Variants in PDE6A observed in about 807,000 individuals in gnomAD.
PDE6A encodes rod cGMP-specific 3',5'-cyclic phosphodiesterase subunit alpha.
PDE6A carries 84 observed loss-of-function variants against 106.3 expected under a neutral mutation model. The observed-to-expected ratio is 0.79, with a 90% CI of 0.66 to 0.95. The LOEUF is 0.95. Among genes scored for constraint, PDE6A ranks in the 40% least tolerant of loss-of-function variants. PDE6A has a pLI of 0.00. For missense variants in PDE6A, 1,052 were observed against 1,084.9 expected, an observed-to-expected ratio of 0.97 and a Z score of 0.43; for synonymous variants, 394 against 386.6, an observed-to-expected ratio of 1.02 and a Z score of -0.23.
In PDE6A at chr5:149,921,637, T is replaced by G. The variant is rs1201450790; in HGVS notation, c.931A>C (p.Arg311=). The G allele has an allele frequency of 6.2e-7, 1 of 1,612,026 alleles. No individual in the cohort carries two copies. The highest frequency in any genetic ancestry group is 1.7e-5 in the Admixed American group (1 of 60,018). ...TGAAAAGGTCAGAGAGAACGTACTC[T>G]TCCATCCGGAGTCCTGGGACCAGAG... ...PYSGPRTPDG[R]EINFYKVIDY... Residue 311 remains arginine (R), a splice_region_variant and synonymous_variant, in exon 5 of 22, where the codon AGA becomes CGA. Coordinates refer to ENST00000255266, the MANE Select transcript of PDE6A (RefSeq NM_000440.3).
At chr5:149,903,234 T>G (rs983590224) in intron 8 of PDE6A, among the ~76,000 whole-genome samples, 1 of 147,688 alleles carries the variant, frequency 6.8e-6, no homozygotes, top group African/African-American at 2.5e-5. Context: ...TTTATTGAAA[T>G]ACAACTTTAA....
At chr5:149,907,596 A>G (rs942393271) in intron 6 of PDE6A, among the ~76,000 whole-genome samples, 2 of 152,190 alleles carry the variant, frequency 1.3e-5, no homozygotes, top group African/African-American at 4.8e-5. Flanking sequence ...CTGTCTGCCC[A>G]CCAAGTTTCA....
intron 5 of PDE6A, among the ~76,000 whole-genome samples, chr5:149,916,750 A>G (rs1753567948): frequency 6.6e-6 from 1 of 152,176 alleles, no homozygotes; most frequent in Non-Finnish European, 1.5e-5. Flanking sequence ...AGACACAGAG[A>G]GAGGAAAGGA....
chr5:149,861,182 G>C (rs779001936), intron 21 of PDE6A, among the ~76,000 whole-genome samples: 2 of 152,236 alleles, frequency 1.3e-5, no homozygotes, highest in Non-Finnish European at 2.9e-5. Context: ...GATGATAAGT[G>C]AGAACCAGTA....
intron 6 of PDE6A, among the ~76,000 whole-genome samples, chr5:149,911,197 T>C (rs1445476753): frequency 6.6e-6 from 1 of 152,162 alleles, no homozygotes. Context: ...CAGTTTCAAT[T>C]GGCATGATGA....
chr5:149,883,198 T>C (rs1164031900), intron 17 of PDE6A, among the ~76,000 whole-genome samples: 1 of 152,258 alleles, frequency 6.6e-6, no homozygotes, highest in Non-Finnish European at 1.5e-5. Context: ...TATTTTTTTA[T>C]TCAGATAAAT....
intron 1 of PDE6A, among the ~76,000 whole-genome samples, chr5:149,940,372 C>G (rs1234076651): frequency 1.3e-5 from 2 of 152,158 alleles, no homozygotes; most frequent in Non-Finnish European, 2.9e-5. Context: ...CATTGCCCGG[C>G]CCCTGGATGC....
Position 149,867,712 on chromosome 5 carries a change from CCT to C in PDE6A, c.2274+11_2274+12del, listed in dbSNP as rs779117136. 537 of 1,612,402 alleles carry C rather than the reference CCT, an allele frequency of 3.3e-4. No individual in the cohort carries two copies. Among genetic ancestry groups the C allele is most frequent in the Non-Finnish European group, 3.8e-4 (447 of 1,178,748 alleles). The stretch of plus-strand genomic sequence containing the variant: ...CACACCTAACATCAGGCTGACATCC[CCT>C]GTCTACTCACAATGGGATTCTGTTG... On this transcript the variant is annotated intron_variant, in intron 19 of 21. Coordinates refer to ENST00000255266, the MANE Select transcript of PDE6A (RefSeq NM_000440.3).
At chr5:149,921,396 G>T (rs1753713412) in intron 5 of PDE6A, among the ~76,000 whole-genome samples, 1 of 152,026 alleles carries the variant, frequency 6.6e-6, no homozygotes, top group Non-Finnish European at 1.5e-5. Context: ...GGATGTTAGG[G>T]CATGACAATT....
In PDE6A at chr5:149,944,638, G is replaced by T; in HGVS notation, c.36C>A (p.Phe12Leu). Residue 12 changes from phenylalanine (F) to leucine (L), a missense_variant, in exon 1 of 22, where the codon TTC becomes TTA. Physicochemically the swap from Phe to Leu is conservative, Grantham distance 22. Around this residue, in one of 3 missense-constraint regions of PDE6A, gnomAD observed 913 missense variants for 915.2 expected, o/e 1.00. Coordinates refer to ENST00000255266, the MANE Select transcript of PDE6A (RefSeq NM_000440.3). ...TGGCAAAGCCAATATTCGAGTCCAGGAACTTCTCCACCTCCTCTGCTGTCA... is the reference window on the plus strand; with the variant it reads ...TGGCAAAGCCAATATTCGAGTCCAGTAACTTCTCCACCTCCTCTGCTGTCA... ...GEVTAEEVEK[F>L]LDSNIGFAKQ... 6.2e-7 allele frequency: 1 copy of T among 1,612,938 alleles called. No individual in the cohort carries two copies. Among genetic ancestry groups the T allele is most frequent in the South Asian group, 1.1e-5 (1 of 90,860 alleles).
chr5:149,895,324 C>T (rs1752699566), intron 12 of PDE6A, 34 bp from the exon 13 acceptor site: 2 of 1,396,468 alleles, frequency 1.4e-6, no homozygotes, highest in Non-Finnish European at 2.0e-6. Context: ...AGGCAGGACA[C>T]ACCTGAAATG....
intron 8 of PDE6A, 41 bp from the exon 9 acceptor site, chr5:149,899,565 G>T (rs779395268): frequency 4.4e-6 from 7 of 1,597,238 alleles, no homozygotes; most frequent in Non-Finnish European, 6.0e-6. Flanking sequence ...CTTGTTTCAG[G>T]CCACAGAGGC....
chr5:149,938,493 T>C (rs980806631), intron 1 of PDE6A, among the ~76,000 whole-genome samples: 2 of 152,172 alleles, frequency 1.3e-5, no homozygotes, highest in Non-Finnish European at 2.9e-5. Context: ...GTATGCACTC[T>C]GTCCAAGACA....
intron 5 of PDE6A, among the ~76,000 whole-genome samples, chr5:149,919,515 G>T (rs1423593563): frequency 3.3e-5 from 5 of 151,986 alleles, no homozygotes; most frequent in African/African-American, 1.2e-4. Context: ...CTCAAAAAAA[G>T]AAATGGACAT....
intron 17 of PDE6A, among the ~76,000 whole-genome samples, chr5:149,875,919 T>C (rs1760722032): frequency 6.6e-6 from 1 of 152,120 alleles, no homozygotes; most frequent in South Asian, 2.1e-4. Flanking sequence ...TCCACTTGAC[T>C]TCCCCACAGA....
At chr5:149,935,518 T>A (rs186405626) in intron 1 of PDE6A, among the ~76,000 whole-genome samples, 1 of 152,298 alleles carries the variant, frequency 6.6e-6, no homozygotes, top group Non-Finnish European at 1.5e-5. Flanking sequence ...GTGACCAAGG[T>A]TCAGGCCAGC....
chr5:149,867,816 C>G lies in PDE6A; in HGVS notation c.2200-17G>C. ...CAGAGCTACCTGCAACAGACAGACC[C>G]TCACACACGCAGAGTCAGAGCCCCA... On this transcript the variant is annotated splice_polypyrimidine_tract_variant and intron_variant, in intron 18 of 21. Coordinates refer to ENST00000255266, the MANE Select transcript of PDE6A (RefSeq NM_000440.3). The G allele has an allele frequency of 4.3e-6, 7 of 1,610,556 alleles. No individual in the cohort carries two copies. The highest frequency in any genetic ancestry group is 5.9e-6 in the Non-Finnish European group (7 of 1,179,186).
rs765192034 is a variant in PDE6A, at chr5:149,860,944, T to A, written c.2534A>T (p.Asn845Ile). 6.8e-6 allele frequency: 11 copies of A among 1,613,938 alleles called. No individual in the cohort carries two copies. In the East Asian group the frequency reaches 1.8e-4, roughly 26 times the overall value. The change falls in exon 22 of 22, where the codon AAC becomes ATC. Residue 845 changes from asparagine to isoleucine, a missense_variant. This residue lies in a region of PDE6A where 135 missense variants were observed against 153.2 expected (regional missense o/e 0.88). Transcript: ENST00000255266. The stretch of plus-strand genomic sequence containing the variant: ...TGTAGTTGCACCCCCTGGGCTGGGG[T>A]TTCCCCCCGGCTGATTTCCTGCGGC... ...SAAAGNQPGG[N>I]PSPGGATTSK...
chr5:149,920,979 A>AAAGAAAGAAAGAAAGAAAG (rs1268668177), intron 5 of PDE6A, among the ~76,000 whole-genome samples: 1 of 133,038 alleles, frequency 7.5e-6, no homozygotes, highest in Non-Finnish European at 1.5e-5. Context: ...AGAAAGAAAG[A>AAAGAAAGAAAGAAAGAAAG]AAGAAAGAAA....
Sources: gnomAD v4.1 joint callset for allele counts (sites outside exome capture counted in the v4.1 genomes callset) on GRCh38, gnomAD v4.1.1 for gene constraint, gnomAD v4.1.1 regional missense constraint, MANE v1.5 for transcripts, NCBI Gene and HGNC (gene_info 2026-07-23, HGNC 2026-07-21) for gene names.